Variants in PXDN observed in about 807,000 individuals in gnomAD.
PXDN encodes the protein peroxidasin.
PXDN carries 77 observed loss-of-function variants against 140.3 expected under a neutral mutation model. That is an observed-to-expected ratio of 0.55 (90% confidence interval 0.46 to 0.66). The LOEUF is 0.66. Ranked by LOEUF, PXDN falls within the 30% of genes least tolerant of loss-of-function variation. PXDN has a pLI of 0.00. For synonymous variants in PXDN, 911 were observed against 857.4 expected, an observed-to-expected ratio of 1.06 and a Z score of -1.09; for missense variants, 1,838 against 2,039.5, an observed-to-expected ratio of 0.90 and a Z score of 1.90.
intron 14 of PXDN, among the ~76,000 whole-genome samples, chr2:1,655,325 CAG>C (rs1572130385): frequency 6.6e-6 from 1 of 150,766 alleles, no homozygotes; most frequent in East Asian, 2.0e-4. Flanking sequence ...ACGCCACACA[CAG>C]ATACATACCA....
intron 6 of PXDN, 72 bp downstream of exon 6, chr2:1,683,584 G>T: frequency 1.2e-6 from 1 of 802,510 alleles, no homozygotes; most frequent in Non-Finnish European, 1.7e-6. Context: ...ACTTGAAAAA[G>T]AACCAGGTGA....
At chr2:1,695,107 G>A (rs910006536) in intron 1 of PXDN, among the ~76,000 whole-genome samples, 1 of 152,220 alleles carries the variant, frequency 6.6e-6, no homozygotes, top group Non-Finnish European at 1.5e-5. Context: ...GAACCCACAC[G>A]CAAGCCACAG....
At chr2:1,688,860 G>C (rs1337467844) in intron 3 of PXDN, among the ~76,000 whole-genome samples, 2 of 148,748 alleles carry the variant, frequency 1.3e-5, no homozygotes, top group African/African-American at 4.9e-5. Flanking sequence ...TTCATATCCA[G>C]AAGGGCCGAG....
At chr2:1,707,477 C>A (rs1684645339) in intron 1 of PXDN, among the ~76,000 whole-genome samples, 1 of 152,260 alleles carries the variant, frequency 6.6e-6, no homozygotes, top group Admixed American at 6.5e-5. Context: ...TTCTGAACAT[C>A]AAACTGTCAA....
rs1683005623 is a variant in PXDN at position 1,651,173 on chromosome 2, T to C, written c.2105-1498A>G. On this transcript the variant is annotated intron_variant, in intron 16 of 22. Coordinates refer to ENST00000252804, the MANE Select transcript of PXDN (RefSeq NM_012293.3). This position sits in a 1 kb window ranked among gnomAD's most constrained non-coding sequence, Gnocchi z 4.4. ...CTACTCTTGGGAAGTCCTACAGAAT[T>C]ATCAATCTTGAACATCCATAGAGCC... Among the ~76,000 whole-genome samples, 2 of 152,134 alleles carry C rather than the reference T, an allele frequency of 1.3e-5. No homozygotes were observed. The highest frequency in any genetic ancestry group is 4.8e-5 in the African/African-American group (2 of 41,428).
Position 1,687,525 on chromosome 2 carries a change from CAT to C in PXDN, c.416+105_416+106del. ...CACGTACTCCCCGCACCTCAGGTAG[CAT>C]AGTCATGCATCATGCAAACAGCTAG... On this transcript the variant is annotated intron_variant, in intron 4 of 22. Coordinates refer to ENST00000252804, the MANE Select transcript of PXDN (RefSeq NM_012293.3). The surrounding 1 kb of genome is among the most constrained non-coding windows in gnomAD (Gnocchi z 4.0). 1 of 773,856 alleles carries C rather than the reference CAT, an allele frequency of 1.3e-6. No homozygotes were observed. Among genetic ancestry groups the C allele is most frequent in the East Asian group, 3.0e-5 (1 of 33,898 alleles). The allele number at this position is 773,856 out of a possible 1,614,324, so 47.9% of individuals were successfully genotyped here. A position where few individuals can be genotyped will look rare whatever the true frequency, so the allele number is the denominator to read the frequency against.
Position 1,687,018 on chromosome 2 carries a change from T to A in PXDN, c.416+614A>T, listed in dbSNP as rs1684076298. ...AACAAACCAGGACAAATCCTCCTTT[T>A]TACCAGGACATTGTAATGAAAAATC... On this transcript the variant is annotated intron_variant, in intron 4 of 22. Coordinates refer to ENST00000252804, the MANE Select transcript of PXDN (RefSeq NM_012293.3). This position sits in a 1 kb window ranked among gnomAD's most constrained non-coding sequence, Gnocchi z 4.0. 6.6e-6 allele frequency among the ~76,000 whole-genome samples: 1 copy of A among 152,200 alleles called. No homozygotes were observed. The highest frequency in any genetic ancestry group is 6.5e-5 in the Admixed American group (1 of 15,282).
chr2:1,663,954 C>T (rs1683370321), intron 11 of PXDN, 191 bp from the exon 12 acceptor site: 1 of 623,032 alleles, frequency 1.6e-6, no homozygotes, highest in Middle Eastern at 4.4e-4. Flanking sequence ...TCCCTGCACC[C>T]GTAACTCAGA....
At chr2:1,732,139 A>C (rs1301217070) in intron 1 of PXDN, among the ~76,000 whole-genome samples, 1 of 152,218 alleles carries the variant, frequency 6.6e-6, no homozygotes, top group Non-Finnish European at 1.5e-5. Flanking sequence ...ACTGGGCATC[A>C]GCCAACAAAG....
At chr2:1,661,129 A>C (rs921269507) in intron 13 of PXDN, 92 bp from the exon 14 acceptor site, 25 of 1,471,140 alleles carry the variant, frequency 1.7e-5, no homozygotes, top group Non-Finnish European at 2.2e-5. Flanking sequence ...GCCATTTGTT[A>C]GGATTTGCAA....
In PXDN at chr2:1,657,090, G is replaced by GC. The variant is rs145551775; in HGVS notation, c.1838-2583dup. Among the ~76,000 whole-genome samples, 1,239 of 150,994 alleles carry GC rather than the reference G, an allele frequency of 8.2e-3. 14 individuals carry two copies. Among genetic ancestry groups the GC allele is most frequent in the African/African-American group, 0.029 (1,194 of 41,022 alleles). On this transcript the variant is annotated intron_variant, in intron 14 of 22. Transcript: ENST00000252804. ...ACTTGGCCCCTCCTGGCTGGGACCT[G>GC]CCCCCTCCTGACAGGGACCCGAACT...
intron 7 of PXDN, among the ~76,000 whole-genome samples, chr2:1,679,648 GGT>G (rs549455296): frequency 7.1e-6 from 1 of 141,480 alleles, no homozygotes; most frequent in African/African-American, 2.7e-5. Flanking sequence ...GTCTATAAAT[GGT>G]GTGTGTGTAA....
intron 16 of PXDN, chr2:1,652,991 C>T (rs1325340410): frequency 5.8e-6 from 1 of 173,608 alleles, no homozygotes; most frequent in African/African-American, 2.4e-5. Flanking sequence ...TAACCAGCTG[C>T]TGCTGAAAAT....
rs770831055 is a variant in PXDN, at chr2:1,639,412, G to C, written c.3963C>G (p.Thr1321=). The change falls in exon 20 of 23, where the codon ACC becomes ACG. Residue 1321 remains threonine, a synonymous_variant. Coordinates refer to ENST00000252804, the MANE Select transcript of PXDN (RefSeq NM_012293.3). The surrounding 1 kb of genome is among the most constrained non-coding windows in gnomAD (Gnocchi z 5.0). Reference sequence around the variant, plus strand: ...AGGAAAAGGCATTGAACTGCCCCCTGGTCCTACAGTCTAAAATGGAAGCAC... The same window carrying C: ...AGGAAAAGGCATTGAACTGCCCCCTCGTCCTACAGTCTAAAATGGAAGCAC... ...VWQDCCEDCR[T]RGQFNAFSYH... is the part of the protein sequence containing the mutation. 6.2e-7 allele frequency: 1 copy of C among 1,613,974 alleles called. No individual in the cohort carries two copies. The highest frequency in any genetic ancestry group is 1.7e-5 in the Admixed American group (1 of 60,026).
In PXDN at chr2:1,693,119, G is replaced by A. The variant is rs749055458; in HGVS notation, c.216C>T (p.Asn72=). 1.6e-5 allele frequency: 25 copies of A among 1,555,832 alleles called. No individual in the cohort carries two copies. Among genetic ancestry groups the A allele is most frequent in the Non-Finnish European group, 2.2e-5 (25 of 1,148,186 alleles). The part of the protein sequence containing the change: ...PQTSILDLRF[N]RIREIQPGAF... Reference sequence around the variant, plus strand: ...CCCCAGGTTGGATCTCTCTGATTCTGTTAAAGCGAAGATCTCTGTGAAGAA... The same window carrying A: ...CCCCAGGTTGGATCTCTCTGATTCTATTAAAGCGAAGATCTCTGTGAAGAA... The change falls in exon 2 of 23, where the codon AAC becomes AAT. Residue 72 remains asparagine (N), a synonymous_variant. Transcript: ENST00000252804.
chr2:1,648,756 G>A lies in PXDN; in HGVS notation c.3024C>T (p.His1008=), dbSNP rs1426383127. 1 of 1,604,246 alleles carries A rather than the reference G, an allele frequency of 6.2e-7. No individual in the cohort carries two copies. The highest frequency in any genetic ancestry group is 8.5e-7 in the Non-Finnish European group (1 of 1,175,974). ...CATAGTAGATGGTGTCGCCGTCCCAGTGCGGGTTCAGCTTGAGCAGCTCCG... is the reference window on the plus strand; with the variant it reads ...CATAGTAGATGGTGTCGCCGTCCCAATGCGGGTTCAGCTTGAGCAGCTCCG... ...IATELLKLNP[H]WDGDTIYYET... Residue 1008 remains histidine (H), a synonymous_variant, in exon 17 of 23, where the codon CAC becomes CAT. Transcript: ENST00000252804. This position sits in a 1 kb window ranked among gnomAD's most constrained non-coding sequence, Gnocchi z 8.9.
intron 8 of PXDN, among the ~76,000 whole-genome samples, chr2:1,674,392 T>C (rs1467159322): frequency 6.6e-6 from 1 of 152,142 alleles, no homozygotes; most frequent in African/African-American, 2.4e-5. Flanking sequence ...TAACAAACAG[T>C]GCCTGCAAGC....
chr2:1,720,669 T>TTCTCTCTCTCTGCATC (rs140201640), intron 1 of PXDN, among the ~76,000 whole-genome samples: 5 of 33,680 alleles, frequency 1.5e-4, no homozygotes, highest in African/African-American at 6.1e-4. Flanking sequence ...CTGCATCTCT[T>TTCTCTCTCTCTGCATC]TCTCTCTGCA....
intron 1 of PXDN, among the ~76,000 whole-genome samples, chr2:1,699,794 C>T (rs141024996): frequency 4.5e-4 from 68 of 152,232 alleles, no homozygotes; most frequent in Middle Eastern, 3.4e-3. Flanking sequence ...CTATATCGTT[C>T]GGTTCGAGAA....
Sources: gnomAD v4.1 joint callset for allele counts (sites outside exome capture counted in the v4.1 genomes callset) on GRCh38, gnomAD v4.1.1 for gene constraint, Gnocchi (gnomAD v3.1) non-coding constraint, MANE v1.5 for transcripts, NCBI Gene and HGNC (gene_info 2026-07-23, HGNC 2026-07-21) for gene names.